MGAT4C: variants seen among roughly 807,000 people sequenced by gnomAD.
MGAT4C encodes MGAT4 family member C.
MGAT4C carries 19 observed loss-of-function variants against 40.1 expected under a neutral mutation model. That is an observed-to-expected ratio of 0.47 (90% CI 0.33 to 0.70). The LOEUF (loss-of-function observed/expected upper bound fraction) is 0.70, where lower values mean the gene tolerates loss of function less well. Ranked by LOEUF, MGAT4C falls within the 30% of genes least tolerant of loss-of-function variation. The probability of loss-of-function intolerance (pLI) is 0.02; values close to 1 mark genes in which losing one functional copy is unlikely to be tolerated. For synonymous variants in MGAT4C, 181 were observed against 187.1 expected (o/e 0.97, Z 0.27); for missense variants, 491 against 563.2 (o/e 0.87, Z 1.30).
intron 2 of MGAT4C, among the ~76,000 whole-genome samples, chr12:86,711,557 C>A (rs1028065532): frequency 6.6e-6 from 1 of 151,924 alleles, no homozygotes; most frequent in African/African-American, 2.4e-5. Flanking sequence ...GTTTTTGGTT[C>A]TTATATTGTT....
At chr12:86,255,834 C>T (rs751645137) in intron 1 of MGAT4C, among the ~76,000 whole-genome samples, 11 of 152,110 alleles carry the variant, frequency 7.2e-5, no homozygotes, top group Admixed American at 2.0e-4. Flanking sequence ...AACTTTGACT[C>T]ATTTTAAGTC....
chr12:86,463,205 A>C (rs1361809007), intron 2 of MGAT4C, among the ~76,000 whole-genome samples: 1 of 152,184 alleles, frequency 6.6e-6, no homozygotes, highest in Non-Finnish European at 1.5e-5. Flanking sequence ...CCTTTCCATC[A>C]AATAACAGAA....
chr12:86,336,282 C>A (rs1954790758), intron 3 of MGAT4C, among the ~76,000 whole-genome samples: 2 of 152,176 alleles, frequency 1.3e-5, no homozygotes, highest in Non-Finnish European at 2.9e-5. Flanking sequence ...AATTTGCGAA[C>A]AATCCTACCA....
chr12:86,677,039 T>C (rs1964417190), intron 2 of MGAT4C, among the ~76,000 whole-genome samples: 1 of 151,980 alleles, frequency 6.6e-6, no homozygotes, highest in African/African-American at 2.4e-5. Context: ...CACATTTAAG[T>C]GGCGGAGGTT....
chr12:86,830,313 C>T (rs1166372403), intron 1 of MGAT4C, among the ~76,000 whole-genome samples: 5 of 151,620 alleles, frequency 3.3e-5, no homozygotes, highest in Non-Finnish European at 5.9e-5. Flanking sequence ...TATTCCTATC[C>T]CATTTTTAAT....
At chr12:85,993,278 C>G (rs531401145) in intron 2 of MGAT4C, among the ~76,000 whole-genome samples, 91 of 152,232 alleles carry the variant, frequency 6.0e-4, no homozygotes, top group African/African-American at 2.0e-3. Flanking sequence ...TGGAAATGAG[C>G]TTTATATCTT....
At chr12:86,335,373 T>C (rs1954761802) in intron 3 of MGAT4C, among the ~76,000 whole-genome samples, 1 of 152,128 alleles carries the variant, frequency 6.6e-6, no homozygotes, top group South Asian at 2.1e-4. Context: ...GATACATCCC[T>C]TTGAAATGTA....
chr12:86,360,323 A>C (rs1229632815), intron 3 of MGAT4C, among the ~76,000 whole-genome samples: 1 of 152,220 alleles, frequency 6.6e-6, no homozygotes, highest in East Asian at 1.9e-4. Context: ...CTAAGTATTC[A>C]TGGGGCGTAC....
intron 2 of MGAT4C, among the ~76,000 whole-genome samples, chr12:86,512,920 CATATTA>C (rs768482217): frequency 6.6e-5 from 10 of 151,684 alleles, no homozygotes; most frequent in Non-Finnish European, 1.2e-4. Flanking sequence ...GGGTAGATCT[CATATTA>C]AATGTTCCTA....
chr12:86,378,733 G>A (rs765084483), intron 3 of MGAT4C, among the ~76,000 whole-genome samples: 2 of 152,136 alleles, frequency 1.3e-5, no homozygotes, highest in African/African-American at 2.4e-5. Flanking sequence ...GCAAGAAGAT[G>A]AGTAAATCAA....
intron 3 of MGAT4C, among the ~76,000 whole-genome samples, chr12:86,426,672 GC>G (rs1393248668): frequency 6.6e-6 from 1 of 152,156 alleles, no homozygotes; most frequent in Non-Finnish European, 1.5e-5. Flanking sequence ...GAAGGGCCGG[GC>G]GTGGTGGCTC....
chr12:86,355,274 C>T (rs1237814839), intron 3 of MGAT4C, among the ~76,000 whole-genome samples: 1 of 152,162 alleles, frequency 6.6e-6, no homozygotes, highest in African/African-American at 2.4e-5. Context: ...TTTTACAATC[C>T]TCTTCTAAGA....
intron 3 of MGAT4C, among the ~76,000 whole-genome samples, chr12:86,410,906 C>G (rs1592809702): frequency 6.6e-6 from 1 of 152,146 alleles, no homozygotes; most frequent in Non-Finnish European, 1.5e-5. Flanking sequence ...TCCCACAACA[C>G]CTGGTTGTTT....
At chr12:86,019,653 A>C (rs1467386885) in intron 2 of MGAT4C, among the ~76,000 whole-genome samples, 1 of 152,208 alleles carries the variant, frequency 6.6e-6, no homozygotes, top group Admixed American at 6.5e-5. Flanking sequence ...CTTTTGGCTT[A>C]GGATAGACTT....
chr12:86,353,025 A>AAAT (rs1465138346), intron 3 of MGAT4C, among the ~76,000 whole-genome samples: 7 of 147,050 alleles, frequency 4.8e-5, no homozygotes, highest in African/African-American at 1.7e-4. Context: ...AATAATAATA[A>AAAT]AATAAAAAAA....
At chr12:86,376,812 GAGAGAC>G (rs1592761113) in intron 3 of MGAT4C, among the ~76,000 whole-genome samples, 1 of 75,684 alleles carries the variant, frequency 1.3e-5, no homozygotes, top group Admixed American at 1.6e-4. Flanking sequence ...GACAGAGAGA[GAGAGAC>G]AGAGAGAGAG....
intron 2 of MGAT4C, among the ~76,000 whole-genome samples, chr12:86,641,278 C>A (rs1963378151): frequency 6.6e-6 from 1 of 151,014 alleles, no homozygotes; most frequent in Non-Finnish European, 1.5e-5. Context: ...AACAAAAAAC[C>A]AAACACCACA....
rs11117133 is a variant in MGAT4C, at chr12:85,965,347, C to T, written c.*13942G>A. The T allele has an allele frequency of 0.031, 4,727 of 151,998 alleles. 99 individuals carry two copies. Among genetic ancestry groups the T allele is most frequent in the Middle Eastern group, 0.065 (19 of 294 alleles). 9.4% of individuals were successfully genotyped at this position (151,998 alleles called of 1,614,324 possible). A position where few individuals can be genotyped will look rare whatever the true frequency, so the allele number is the denominator to read the frequency against. On this transcript the variant is annotated 3_prime_UTR_variant, in exon 5 of 5. Transcript: ENST00000611864. Reference sequence around the variant, plus strand: ...GCGCGGTGGCTCACGCATGTAATCCCAGCACTTTGTGAGGCCGAGGCGGGA... The same window carrying T: ...GCGCGGTGGCTCACGCATGTAATCCTAGCACTTTGTGAGGCCGAGGCGGGA...
At chr12:86,660,262 TGAA>T (rs1963949719) in intron 2 of MGAT4C, among the ~76,000 whole-genome samples, 4 of 152,222 alleles carry the variant, frequency 2.6e-5, no homozygotes, top group Admixed American at 6.5e-5. Flanking sequence ...TGTATGTGAT[TGAA>T]GAAGAAGGAG....
Sources: gnomAD v4.1 joint callset for allele counts (sites outside exome capture counted in the v4.1 genomes callset) on GRCh38, gnomAD v4.1.1 for gene constraint, MANE v1.5 for transcripts, NCBI Gene and HGNC (gene_info 2026-07-23, HGNC 2026-07-21) for gene names.